Variants in SFMBT2 observed in about 807,000 individuals in gnomAD.
SFMBT2 encodes Scm like with four mbt domains 2.
Under a neutral mutation model 110.1 loss-of-function variants are expected in SFMBT2, and 38 were observed. That is an observed-to-expected ratio of 0.35 (90% CI 0.27 to 0.45). The LOEUF (loss-of-function observed/expected upper bound fraction) is 0.45. Ranked by LOEUF, SFMBT2 falls within the 20% of genes least tolerant of loss-of-function variation. The pLI is 1.00. For synonymous variants in SFMBT2, 425 were observed against 425.4 expected (o/e 1.00, Z 0.01); for missense variants, 1,011 against 1,094.9 (o/e 0.92, Z 1.08).
intron 6 of SFMBT2, chr10:7,277,474 T>C (rs1841819118): frequency 4.1e-6 from 1 of 241,144 alleles, no homozygotes; most frequent in African/African-American, 2.3e-5. Flanking sequence ...ATAGTCCCTG[T>C]AAGTCAGAAA....
chr10:7,327,750 G>T (rs1018145987), intron 4 of SFMBT2, among the ~76,000 whole-genome samples: 14 of 150,290 alleles, frequency 9.3e-5, no homozygotes, highest in Non-Finnish European at 1.6e-4. Flanking sequence ...CTAGTATTTT[G>T]CCCCCAGCAT....
chr10:7,227,751 C>T, intron 10 of SFMBT2, 104 bp downstream of exon 10: 1 of 957,598 alleles, frequency 1.0e-6, no homozygotes, highest in Non-Finnish European at 1.6e-6. Context: ...CTCCAGTGCA[C>T]TGTAATACTC....
intron 7 of SFMBT2, among the ~76,000 whole-genome samples, chr10:7,267,749 C>T (rs1210830887): frequency 1.3e-5 from 2 of 152,146 alleles, no homozygotes; most frequent in African/African-American, 2.4e-5. Flanking sequence ...CTGAGATTTT[C>T]AATATTTTTT....
At chr10:7,196,994 G>C (rs893637739) in intron 15 of SFMBT2, among the ~76,000 whole-genome samples, 3 of 152,152 alleles carry the variant, frequency 2.0e-5, no homozygotes, top group African/African-American at 7.2e-5. Context: ...GATGGGCCTG[G>C]ATGTGACCCA....
At chr10:7,380,091 A>G (rs1480943485) in intron 2 of SFMBT2, among the ~76,000 whole-genome samples, 2 of 152,242 alleles carry the variant, frequency 1.3e-5, no homozygotes, top group African/African-American at 4.8e-5. Context: ...AAAGCTCAGG[A>G]ACTCCAGAAT....
At chr10:7,389,762 G>T (rs985188830) in intron 1 of SFMBT2, among the ~76,000 whole-genome samples, 11 of 152,308 alleles carry the variant, frequency 7.2e-5, no homozygotes, top group African/African-American at 2.4e-4. Flanking sequence ...TTGATGAGAT[G>T]CAATCACCCC....
At chr10:7,213,068 T>C (rs1416942611) in intron 11 of SFMBT2, among the ~76,000 whole-genome samples, 1 of 149,322 alleles carries the variant, frequency 6.7e-6, no homozygotes, top group Non-Finnish European at 1.5e-5. Flanking sequence ...CATCACACAC[T>C]GGGGCCTGTC....
chr10:7,253,608 C>T (rs78050974), intron 7 of SFMBT2, among the ~76,000 whole-genome samples: 9,668 of 152,220 alleles, frequency 0.064, 414 homozygotes, highest in Admixed American at 0.089. Context: ...ACCCCTTAAA[C>T]ACTCTTGTTT....
intron 16 of SFMBT2, among the ~76,000 whole-genome samples, chr10:7,181,106 G>T (rs1247996233): frequency 1.3e-5 from 2 of 152,080 alleles, no homozygotes; most frequent in African/African-American, 2.4e-5. Context: ...GGGCATGGTG[G>T]TGCACGCCTG....
intron 1 of SFMBT2, among the ~76,000 whole-genome samples, chr10:7,388,579 TTGGCCAGGCTGGTCTCAAACTCC>T (rs1266677331): frequency 2.0e-5 from 3 of 149,302 alleles, no homozygotes; most frequent in Admixed American, 1.3e-4. Context: ...TTTCACCATG[TTGGCCAGGCTGGTCTCAAACTCC>T]TGGCCTCAAG....
chr10:7,197,837 A>T lies in SFMBT2; in HGVS notation c.1559-150T>A, dbSNP rs1838827104. 6.3e-6 allele frequency: 8 copies of T among 1,265,828 alleles called. No individual in the cohort carries two copies. The South Asian group carries it at 1.4e-4, about 23-fold the overall frequency. The allele number at this position is 1,265,828 out of a possible 1,614,324, so 78.4% of individuals were successfully genotyped here. A position where few individuals can be genotyped will look rare whatever the true frequency, so the allele number is the denominator to read the frequency against. On this transcript the variant is annotated intron_variant, in intron 14 of 20. Transcript: ENST00000397167. ...CTGATGGGGAGTCAGGCGTAATAAA[A>T]GCAATGGAACCCAAAATGAACACAA...
intron 4 of SFMBT2, among the ~76,000 whole-genome samples, chr10:7,302,449 G>A (rs1188895259): frequency 6.6e-6 from 1 of 152,206 alleles, no homozygotes; most frequent in Admixed American, 6.5e-5. Flanking sequence ...AGCAGAGTGG[G>A]AGCTCACAGC....
At chr10:7,379,620 G>A (rs116675111) in intron 2 of SFMBT2, among the ~76,000 whole-genome samples, 169 of 152,250 alleles carry the variant, frequency 1.1e-3, no homozygotes, top group African/African-American at 3.9e-3. Flanking sequence ...CAAGGCGAAA[G>A]GACAGATTAG....
At chr10:7,370,855 A>C in intron 2 of SFMBT2, 1 of 967,026 alleles carries the variant, frequency 1.0e-6, no homozygotes, top group Non-Finnish European at 1.2e-6. Context: ...GAAAAAGAGA[A>C]AATGAGGCCC....
At chr10:7,226,366 T>C (rs12415488) in intron 10 of SFMBT2, among the ~76,000 whole-genome samples, 68,304 of 152,172 alleles carry the variant, frequency 0.45, 16,571 homozygotes, top group East Asian at 0.87. Flanking sequence ...CTCCAAACTC[T>C]GATTTTGACT....
chr10:7,222,332 G>C (rs958678473), intron 10 of SFMBT2, among the ~76,000 whole-genome samples: 2 of 152,184 alleles, frequency 1.3e-5, no homozygotes, highest in Admixed American at 6.5e-5. Flanking sequence ...TCATGTAAAC[G>C]TAAGTATATT....
intron 7 of SFMBT2, among the ~76,000 whole-genome samples, chr10:7,276,498 G>GA (rs1215732612): frequency 1.1e-5 from 1 of 90,496 alleles, no homozygotes; most frequent in Non-Finnish European, 2.1e-5. Flanking sequence ...TTAAGAAGGT[G>GA]CCTTTTCAAG....
chr10:7,363,824 C>G (rs1844805119), intron 4 of SFMBT2, among the ~76,000 whole-genome samples: 1 of 151,998 alleles, frequency 6.6e-6, no homozygotes, highest in African/African-American at 2.4e-5. Flanking sequence ...GCCACAGGCC[C>G]CTCCCTTTAT....
At position 7,393,016 on chromosome 10, in the gene SFMBT2, TA is replaced by T. The variant is rs1564473051; in HGVS notation, c.-51-11068del. ...ATATATATATATATATATATATATA[TA>T]TATATATATATATATATAATTTTTT... On this transcript the variant is annotated intron_variant, in intron 1 of 20. Coordinates refer to ENST00000397167, the MANE Select transcript of SFMBT2 (RefSeq NM_001387889.1). Among the ~76,000 whole-genome samples, 109 of 80,180 alleles carry T rather than the reference TA, an allele frequency of 1.4e-3. 1 individual carries two copies. Among genetic ancestry groups the T allele is most frequent in the Non-Finnish European group, 1.4e-3 (62 of 43,720 alleles). 52.6% of individuals were successfully genotyped at this position (80,180 alleles called of 152,430 possible).
Sources: gnomAD v4.1 joint callset for allele counts (sites outside exome capture counted in the v4.1 genomes callset) on GRCh38, gnomAD v4.1.1 for gene constraint, MANE v1.5 for transcripts, NCBI Gene and HGNC (gene_info 2026-07-23, HGNC 2026-07-21) for gene names.